Variants in PNKD observed in about 807,000 individuals in gnomAD.
The protein encoded by PNKD is probable thioesterase PNKD.
Under a neutral mutation model 45.3 loss-of-function variants are expected in PNKD, and 36 were observed. The observed-to-expected ratio is 0.80, with a 90% confidence interval of 0.61 to 1.05. The LOEUF (loss-of-function observed/expected upper bound fraction) is 1.05, where lower values mean the gene tolerates loss of function less well. PNKD is among the 50% of genes least tolerant of loss of function. The probability of loss-of-function intolerance (pLI) is 0.00; values close to 1 mark genes in which losing one functional copy is unlikely to be tolerated. For missense variants in PNKD, 511 were observed against 506.6 expected (o/e 1.01, Z -0.08); for synonymous variants, 197 against 210.1 (o/e 0.94, Z 0.54).
At chr2:218,324,748 A>T (rs1007761946) in intron 2 of PNKD, among the ~76,000 whole-genome samples, 1 of 151,856 alleles carries the variant, frequency 6.6e-6, no homozygotes, top group African/African-American at 2.4e-5. Context: ...CAGCCTGGCC[A>T]ACATGGTGAA....
chr2:218,308,298 T>C, intron 2 of PNKD, among the ~76,000 whole-genome samples: 1 of 150,758 alleles, frequency 6.6e-6, no homozygotes, highest in Non-Finnish European at 1.5e-5. Context: ...GTGGTTTTCC[T>C]GCCTCAGCCT....
chr2:218,329,165 C>T (rs1030810832), intron 2 of PNKD, among the ~76,000 whole-genome samples: 7 of 152,114 alleles, frequency 4.6e-5, no homozygotes, highest in Admixed American at 1.3e-4. Flanking sequence ...GTGGAGATCG[C>T]GCCACTGCAC....
At chr2:218,335,291 G>C (rs927920964) in intron 2 of PNKD, among the ~76,000 whole-genome samples, 1 of 152,154 alleles carries the variant, frequency 6.6e-6, no homozygotes, top group Non-Finnish European at 1.5e-5. Flanking sequence ...AGACCAGCCT[G>C]ATCAACATGG....
At chr2:218,338,746 A>G (rs964967326) in intron 2 of PNKD, among the ~76,000 whole-genome samples, 2 of 149,618 alleles carry the variant, frequency 1.3e-5, no homozygotes, top group African/African-American at 4.9e-5. Flanking sequence ...GGCCTCCCAA[A>G]GTGCTGGGAT....
intron 2 of PNKD, among the ~76,000 whole-genome samples, chr2:218,273,733 TC>T (rs1168223007): frequency 1.3e-5 from 2 of 151,066 alleles, no homozygotes; most frequent in African/African-American, 2.4e-5. Context: ...CTCAGGTGAT[TC>T]CCCCCCACCG....
intron 2 of PNKD, chr2:218,323,360 C>A (rs769947596): frequency 8.9e-6 from 14 of 1,581,750 alleles, no homozygotes; most frequent in Non-Finnish European, 1.2e-5. Flanking sequence ...TGAGCCCCCG[C>A]GGCTGCCGAG....
Position 218,345,137 on chromosome 2 carries a change from G to A in PNKD, c.*156G>A, listed in dbSNP as rs1024114789. The A allele has an allele frequency of 1.1e-5, 7 of 650,822 alleles. No homozygotes were observed. The highest frequency in any genetic ancestry group is 1.8e-5 in the Non-Finnish European group (7 of 379,608). 40.3% of individuals were successfully genotyped at this position (650,822 alleles called of 1,614,324 possible). A position where few individuals can be genotyped will look rare whatever the true frequency, so the allele number is the denominator to read the frequency against. On this transcript the variant is annotated 3_prime_UTR_variant, in exon 10 of 10. Transcript: ENST00000273077. The stretch of plus-strand genomic sequence containing the variant: ...GCTCAGGGGAGGGGAGGGATCAGGC[G>A]ATGAGACTGTGAGGCCAAAAGAAGG...
At chr2:218,314,726 G>A (rs1239179218) in intron 2 of PNKD, among the ~76,000 whole-genome samples, 3 of 151,026 alleles carry the variant, frequency 2.0e-5, no homozygotes, top group Non-Finnish European at 2.9e-5. Context: ...GTCTCACTCT[G>A]TCGCCCAGGC....
intron 2 of PNKD, chr2:218,285,685 T>C (rs999346979): frequency 6.6e-6 from 1 of 152,336 alleles, no homozygotes; most frequent in Admixed American, 6.5e-5. Context: ...GCTGTCTACA[T>C]AGAGAGACCT....
chr2:218,305,496 G>A (rs1279546995), intron 2 of PNKD, among the ~76,000 whole-genome samples: 3 of 151,722 alleles, frequency 2.0e-5, no homozygotes, highest in African/African-American at 4.8e-5. Flanking sequence ...GACCACAGGT[G>A]CATGCCATGT....
chr2:218,306,954 T>C (rs1464369578), intron 2 of PNKD, among the ~76,000 whole-genome samples: 8 of 152,278 alleles, frequency 5.3e-5, no homozygotes, highest in Admixed American at 3.3e-4. Flanking sequence ...AAGTGGAAAA[T>C]GCATTAAATA....
intron 7 of PNKD, 112 bp downstream of exon 7, chr2:218,342,256 G>C (rs34490131): frequency 6.8e-6 from 6 of 878,044 alleles, no homozygotes; most frequent in Non-Finnish European, 9.2e-6. Flanking sequence ...AGATGTTGCC[G>C]TGGCAGTTAC....
Position 218,343,558 on chromosome 2 carries a change from G to A in PNKD, c.840G>A (p.Gly280=). 1.2e-6 allele frequency: 2 copies of A among 1,613,438 alleles called. No individual in the cohort carries two copies. The highest frequency in any genetic ancestry group is 1.7e-6 in the Non-Finnish European group (2 of 1,179,728). The part of the protein sequence containing the change: ...TMLSSLDTVL[G]LGDDTLLWPG... ...TGAGCTCACTGGACACTGTGCTGGG[G>A]CTAGGGGATGACACCCTTCTGTGGC... Residue 280 remains glycine, a synonymous_variant, in exon 8 of 10, where the codon GGG becomes GGA. Transcript: ENST00000273077.
chr2:218,321,939 T>TC (rs749325827), intron 2 of PNKD, among the ~76,000 whole-genome samples: 2 of 25,388 alleles, frequency 7.9e-5, no homozygotes, highest in African/African-American at 1.9e-4. Context: ...TGACTCTTTT[T>TC]TTTTTTTTTT....
chr2:218,271,323 C>T lies in PNKD; in HGVS notation c.68-58C>T. On this transcript the variant is annotated intron_variant, in intron 1 of 9. Coordinates refer to ENST00000273077, the MANE Select transcript of PNKD (RefSeq NM_015488.5). Reference sequence around the variant, plus strand: ...CTCCCAAGCCCTTACTGCCCCCCACCTCCCCGCTTGCTTTCTTCTCATCTC... The same window carrying T: ...CTCCCAAGCCCTTACTGCCCCCCACTTCCCCGCTTGCTTTCTTCTCATCTC... 4 of 1,497,884 alleles carry T rather than the reference C, an allele frequency of 2.7e-6. No homozygotes were observed. The South Asian group carries it at 4.5e-5, about 17-fold the overall frequency. The allele number at this position is 1,497,884 out of a possible 1,614,324, so 92.8% of individuals were successfully genotyped here.
chr2:218,341,054 G>A (rs1267563698), intron 5 of PNKD, among the ~76,000 whole-genome samples: 1 of 152,198 alleles, frequency 6.6e-6, no homozygotes, highest in African/African-American at 2.4e-5. Flanking sequence ...ACTGCACACT[G>A]GGCATGGACA....
At chr2:218,281,914 C>T in intron 2 of PNKD, 1 of 1,557,980 alleles carries the variant, frequency 6.4e-7, no homozygotes, top group East Asian at 2.4e-5. Flanking sequence ...TCCCACCCAC[C>T]TTCCATCTGC....
intron 2 of PNKD, among the ~76,000 whole-genome samples, chr2:218,323,750 G>T (rs1231892816): frequency 3.3e-5 from 5 of 151,830 alleles, no homozygotes; most frequent in African/African-American, 9.7e-5. Context: ...TGGACAGGGG[G>T]ATAGTGCAGG....
chr2:218,313,913 T>C (rs1376728123), intron 2 of PNKD, among the ~76,000 whole-genome samples: 1 of 146,210 alleles, frequency 6.8e-6, no homozygotes, highest in East Asian at 2.0e-4. Flanking sequence ...CTTTTTTTTT[T>C]TTTTTTTTTT....
Sources: gnomAD v4.1 joint callset for allele counts (sites outside exome capture counted in the v4.1 genomes callset) on GRCh38, gnomAD v4.1.1 for gene constraint, MANE v1.5 for transcripts, NCBI Gene and HGNC (gene_info 2026-07-23, HGNC 2026-07-21) for gene names.